RPL11: variants seen among roughly 807,000 people sequenced by gnomAD.
RPL11 encodes the protein ribosomal protein L11, also known as large ribosomal subunit protein uL5.
A neutral mutation model predicts 24.1 loss-of-function variants in RPL11; 3 were observed. The ratio of observed to expected loss-of-function variants is 0.12; its 90% CI spans 0.06 to 0.32. The LOEUF (loss-of-function observed/expected upper bound fraction) is 0.32, where lower values mean the gene tolerates loss of function less well. RPL11 is among the 10% of genes least tolerant of loss of function. The pLI is 1.00. For missense variants in RPL11, 146 were observed against 225.7 expected (o/e 0.65, Z 2.26); for synonymous variants, 96 against 75.7 (o/e 1.27, Z -1.39).
chr1:23,695,848 C>A lies in RPL11; in HGVS notation c.447C>A (p.Gly149=). 1 of 1,601,320 alleles carries A rather than the reference C, an allele frequency of 6.2e-7. No homozygotes were observed. Among genetic ancestry groups the A allele is most frequent in the Non-Finnish European group, 8.5e-7 (1 of 1,174,158 alleles). ...FSIADKKRRT[G]CIGAKHRISK... ...TCGCAGACAAGAAGCGCAGGACAGG[C>A]TGCATTGGGGCCAAACACAGAATCA... Residue 149 remains glycine (G), a synonymous_variant, in exon 5 of 6, where the codon GGC becomes GGA. Transcript: ENST00000643754.
intron 4 of RPL11, chr1:23,695,143 G>A (rs1241778267): frequency 2.1e-5 from 8 of 374,496 alleles, no homozygotes; most frequent in Admixed American, 3.7e-5. Flanking sequence ...TGGCTGCACT[G>A]AGGCTGTTCT....
At chr1:23,694,585 G>C in intron 3 of RPL11, 75 bp from the exon 4 acceptor site, 1 of 1,601,224 alleles carries the variant, frequency 6.2e-7, no homozygotes. Flanking sequence ...TGCAGGCTGA[G>C]CTATTAATAG....
Position 23,692,618 on chromosome 1 carries a change from G to C in RPL11, c.16G>C (p.Gly6Arg). 2 of 1,614,186 alleles carry C rather than the reference G, an allele frequency of 1.2e-6. No homozygotes were observed. Among genetic ancestry groups the C allele is most frequent in the Non-Finnish European group, 1.7e-6 (2 of 1,180,032 alleles). ...CTCTTCCCTGTTGCAGCAGGATCAA[G>C]GTGAAAAGGAGAACCCCATGCGGGA... is the stretch of plus-strand genomic sequence containing the variant. MAQDQ[G>R]EKENPMRELR... is the part of the protein sequence containing the mutation. The change falls in exon 2 of 6, where the codon GGT becomes CGT. Residue 6 changes from glycine to arginine, a missense_variant. Gly to Arg is a moderately radical substitution (Grantham distance 125, BLOSUM62 -2). Transcript: ENST00000643754.
At chr1:23,693,195 T>A (rs974593834) in intron 2 of RPL11, among the ~76,000 whole-genome samples, 1 of 152,202 alleles carries the variant, frequency 6.6e-6, no homozygotes, top group Non-Finnish European at 1.5e-5. Context: ...ACAGATTGCC[T>A]GGGTTTGAGT....
rs746259680 is a variant in RPL11 at position 23,691,815 on chromosome 1, C to G, written c.-9C>G. ...CCGGAAGCTCCGCTTTCTCTTCCTG[C>G]TCTCCATCATGGCGGTGAGTAGCTG... is the stretch of plus-strand genomic sequence containing the variant. On this transcript the variant is annotated 5_prime_UTR_variant, in exon 1 of 6. Transcript: ENST00000643754. 2 of 1,614,272 alleles carry G rather than the reference C, an allele frequency of 1.2e-6. No individual in the cohort carries two copies. The highest frequency in any genetic ancestry group is 1.7e-6 in the Non-Finnish European group (2 of 1,180,048).
At chr1:23,694,555 G>C (rs1644521748) in intron 3 of RPL11, 105 bp from the exon 4 acceptor site, 1 of 1,505,620 alleles carries the variant, frequency 6.6e-7, no homozygotes, top group Non-Finnish European at 9.2e-7. Context: ...ATTGACTTCT[G>C]TTTGCTCTGG....
intron 3 of RPL11, 87 bp downstream of exon 3, chr1:23,694,000 T>C (rs1644518374): frequency 1.0e-6 from 1 of 998,656 alleles, no homozygotes; most frequent in Non-Finnish European, 1.6e-6. Flanking sequence ...TTCTGTTCTT[T>C]GGTGTCTTGA....
chr1:23,696,405 A>G lies in RPL11; in HGVS notation c.*32A>G. ...GTTTCTATCCAAAAGAGCAATAAAAAGTTTTCAGTGAAATGTGCAATTCTG... is the reference window on the plus strand; with the variant it reads ...GTTTCTATCCAAAAGAGCAATAAAAGGTTTTCAGTGAAATGTGCAATTCTG... On this transcript the variant is annotated 3_prime_UTR_variant, in exon 6 of 6. Transcript: ENST00000643754. 4 of 1,605,852 alleles carry G rather than the reference A, an allele frequency of 2.5e-6. No individual in the cohort carries two copies. Among genetic ancestry groups the G allele is most frequent in the Non-Finnish European group, 3.4e-6 (4 of 1,172,512 alleles).
At chr1:23,693,488 T>G (rs1260312311) in intron 2 of RPL11, among the ~76,000 whole-genome samples, 1 of 152,238 alleles carries the variant, frequency 6.6e-6, no homozygotes, top group Non-Finnish European at 1.5e-5. Context: ...CAATAATGCT[T>G]TGTTTTCTTT....
intron 4 of RPL11, chr1:23,695,012 C>T (rs376381946): frequency 9.3e-6 from 6 of 644,776 alleles, no homozygotes; most frequent in Admixed American, 2.4e-5. Context: ...AACTTGCAGT[C>T]GAGGATCTGT....
At chr1:23,695,215 T>C in intron 4 of RPL11, 1 of 311,512 alleles carries the variant, frequency 3.2e-6, no homozygotes, top group Non-Finnish European at 6.2e-6. Context: ...AGGAAGGGGG[T>C]TTTAACATAG....
In RPL11 at chr1:23,691,986, G is replaced by A. The variant is rs1056363081; in HGVS notation, c.6+157G>A. On this transcript the variant is annotated intron_variant, in intron 1 of 5. Transcript: ENST00000643754. ...GAGCCGTTCGAGCCAAGGACGCAGG[G>A]TTGAATTCTGTCACTTTCCCTGCCA... The A allele has an allele frequency of 5.1e-6, 5 of 985,756 alleles. No homozygotes were observed. In the East Asian group the frequency reaches 7.2e-5, roughly 14 times the overall value. 61.1% of individuals were successfully genotyped at this position (985,756 alleles called of 1,614,324 possible).
chr1:23,696,720 G>T lies in RPL11; in HGVS notation c.*347G>T, dbSNP rs998278774. ...GTGCAGTGCTCCTGTGTTCCAGGAG[G>T]CCCCCTGCTATTCAGTGATTCTGTT... On this transcript the variant is annotated 3_prime_UTR_variant, in exon 6 of 6. Coordinates refer to ENST00000643754, the MANE Select transcript of RPL11 (RefSeq NM_000975.5). 5 of 401,848 alleles carry T rather than the reference G, an allele frequency of 1.2e-5. No individual in the cohort carries two copies. Among genetic ancestry groups the T allele is most frequent in the Non-Finnish European group, 2.3e-5 (5 of 215,332 alleles). The allele number at this position is 401,848 out of a possible 1,614,324, so 24.9% of individuals were successfully genotyped here. A position where few individuals can be genotyped will look rare whatever the true frequency, so the allele number is the denominator to read the frequency against.
intron 1 of RPL11, chr1:23,692,090 G>A (rs1049980781): frequency 2.5e-5 from 15 of 590,386 alleles, no homozygotes; most frequent in Non-Finnish European, 4.5e-5. Context: ...GGCAGATGGG[G>A]TGAATGGAGG....
chr1:23,694,021 C>T (rs1229009570), intron 3 of RPL11, 108 bp downstream of exon 3: 1 of 867,928 alleles, frequency 1.2e-6, no homozygotes, highest in South Asian at 1.4e-5. Context: ...TATTTATTTA[C>T]TTAAGCTTCT....
At chr1:23,693,973 A>T in intron 3 of RPL11, 60 bp downstream of exon 3, 1 of 1,198,462 alleles carries the variant, frequency 8.3e-7, no homozygotes, top group Non-Finnish European at 1.2e-6. Flanking sequence ...ACACATGTAG[A>T]TAAGTTACAT....
At chr1:23,692,173 T>TA (rs751194312) in intron 1 of RPL11, 5 of 487,712 alleles carry the variant, frequency 1.0e-5, no homozygotes, top group Non-Finnish European at 1.9e-5. Flanking sequence ...TAGGAAACCT[T>TA]AGTCGGTTGC....
At chr1:23,693,647 T>TG (rs1270696198) in intron 2 of RPL11, among the ~76,000 whole-genome samples, 160 bp from the exon 3 acceptor site, 1 of 152,200 alleles carries the variant, frequency 6.6e-6, no homozygotes, top group Non-Finnish European at 1.5e-5. Flanking sequence ...GATGAAATCT[T>TG]ATTAATAGAT....
chr1:23,691,933 C>G, intron 1 of RPL11, 104 bp downstream of exon 1: 2 of 1,467,804 alleles, frequency 1.4e-6, no homozygotes, highest in Non-Finnish European at 1.9e-6. Context: ...ATATGGAGCC[C>G]GCAATGCCTG....
Sources: allele counts gnomAD v4.1 joint callset (sites outside exome capture counted in the v4.1 genomes callset), GRCh38; gene constraint gnomAD v4.1.1; transcripts MANE v1.5; gene names NCBI Gene and HGNC (gene_info 2026-07-23, HGNC 2026-07-21).